Variants in RBFOX1 observed in about 807,000 individuals in gnomAD.
RBFOX1 encodes the protein RNA binding protein fox-1 homolog 1.
In RBFOX1, 8 loss-of-function variants were observed where a neutral mutation model predicts 57.7. That is an observed-to-expected ratio of 0.14 (90% CI 0.08 to 0.25). RBFOX1 has a LOEUF of 0.25. Ranked by LOEUF, RBFOX1 falls within the 10% of genes least tolerant of loss-of-function variation. The probability of loss-of-function intolerance (pLI) is 1.00; values close to 1 mark genes in which losing one functional copy is unlikely to be tolerated. For synonymous variants in RBFOX1, 326 were observed against 222.4 expected, an observed-to-expected ratio of 1.47 and a Z score of -4.15; for missense variants, 611 against 548.5, an observed-to-expected ratio of 1.11 and a Z score of -1.14.
At chr16:7,548,448 G>T (rs183403491) in intron 5 of RBFOX1, among the ~76,000 whole-genome samples, 1 of 152,312 alleles carries the variant, frequency 6.6e-6, no homozygotes, top group East Asian at 1.9e-4. Context: ...GAGCCACTGC[G>T]CCTGGCCTCG....
chr16:6,961,047 G>T (rs1281976854), intron 3 of RBFOX1, among the ~76,000 whole-genome samples: 1 of 151,818 alleles, frequency 6.6e-6, no homozygotes, highest in Middle Eastern at 3.4e-3. Flanking sequence ...GGAGGCTGAG[G>T]CAGGAGAATC....
At chr16:6,514,725 C>T (rs1030735995) in intron 2 of RBFOX1, among the ~76,000 whole-genome samples, 2 of 151,940 alleles carry the variant, frequency 1.3e-5, no homozygotes, top group African/African-American at 4.8e-5. Flanking sequence ...CATGAAGTTT[C>T]TAGTAATAAT....
rs1173807093 is a variant in RBFOX1, at chr16:5,813,005, C to G, written c.319-54298C>G. ...CATAACATAAAGTCTATCCCTTTAA[C>G]CACTTTTTTTTTTTTTTTTTGAGAT... is the stretch of plus-strand genomic sequence containing the variant. On this transcript the variant is annotated intron_variant, in intron 3 of 19. Transcript: ENST00000641259. Among the ~76,000 whole-genome samples the G allele has an allele frequency of 2.0e-5, 3 of 149,106 alleles. No homozygotes were observed. In the East Asian group the frequency reaches 5.9e-4, roughly 29 times the overall value.
At position 6,433,758 on chromosome 16, in the gene RBFOX1, C is replaced by T. The variant is rs546791027; in HGVS notation, c.-64+116701C>T. 2.0e-5 allele frequency among the ~76,000 whole-genome samples: 3 copies of T among 151,900 alleles called. No homozygotes were observed. In the South Asian group the frequency reaches 6.2e-4, roughly 32 times the overall value. ...TGCCACTTTCCTTGGCTCATGGTCCCTTCCTCCACCCTTCAAAGCACATCA... is the reference window on the plus strand; with the variant it reads ...TGCCACTTTCCTTGGCTCATGGTCCTTTCCTCCACCCTTCAAAGCACATCA... On this transcript the variant is annotated intron_variant, in intron 2 of 15. Transcript: ENST00000550418.
chr16:5,719,098 A>G (rs1432379785), intron 3 of RBFOX1, among the ~76,000 whole-genome samples: 3 of 152,208 alleles, frequency 2.0e-5, no homozygotes, highest in Admixed American at 2.0e-4. Flanking sequence ...GATGACCTCA[A>G]GTAATATTTG....
chr16:6,661,690 C>T (rs941886726), intron 3 of RBFOX1, among the ~76,000 whole-genome samples: 6 of 152,182 alleles, frequency 3.9e-5, no homozygotes, highest in African/African-American at 7.2e-5. Flanking sequence ...CACTTTGATT[C>T]GAGCAAGACG....
chr16:7,242,971 G>T (rs771506086), intron 4 of RBFOX1, among the ~76,000 whole-genome samples: 1 of 151,966 alleles, frequency 6.6e-6, no homozygotes, highest in Admixed American at 6.6e-5. Flanking sequence ...TCCTTCATTT[G>T]TTCTCTTCCT....
chr16:5,764,295 C>T (rs1161968080), intron 3 of RBFOX1, among the ~76,000 whole-genome samples: 1 of 152,174 alleles, frequency 6.6e-6, no homozygotes, highest in Non-Finnish European at 1.5e-5. Flanking sequence ...GGCATTCTGC[C>T]TCAATGCTGG....
intron 3 of RBFOX1, among the ~76,000 whole-genome samples, chr16:6,982,820 C>G (rs1043725202): frequency 9.2e-5 from 14 of 151,932 alleles, no homozygotes; most frequent in Admixed American, 2.0e-4. Context: ...TGGCGGAGCC[C>G]TGTCTCTACT....
chr16:5,387,288 G>A (rs1457326962), intron 1 of RBFOX1, among the ~76,000 whole-genome samples: 2 of 152,128 alleles, frequency 1.3e-5, no homozygotes, highest in Admixed American at 6.5e-5. Context: ...TCATTTTGCT[G>A]TAATAGAATT....
At chr16:6,902,838 A>G (rs780733228) in intron 3 of RBFOX1, among the ~76,000 whole-genome samples, 1 of 152,196 alleles carries the variant, frequency 6.6e-6, no homozygotes, top group Admixed American at 6.5e-5. Context: ...ACTGTTTTCC[A>G]TCTGTTCATT....
At chr16:6,398,418 C>G (rs35660976) in intron 2 of RBFOX1, among the ~76,000 whole-genome samples, 39,077 of 151,988 alleles carry the variant, frequency 0.26, 6,053 homozygotes, top group East Asian at 0.35. Flanking sequence ...AGTCAAAAGT[C>G]TCATCTGAGA....
chr16:5,455,502 C>G (rs1307379989), intron 1 of RBFOX1, among the ~76,000 whole-genome samples: 2 of 152,138 alleles, frequency 1.3e-5, no homozygotes. Flanking sequence ...CAAAACCACC[C>G]CAAGGAGGCC....
chr16:7,132,400 A>G (rs939494273), intron 4 of RBFOX1, among the ~76,000 whole-genome samples: 1 of 151,426 alleles, frequency 6.6e-6, no homozygotes, highest in African/African-American at 2.4e-5. Flanking sequence ...AGGTCCATTG[A>G]TGGGTGAAAG....
intron 1 of RBFOX1, among the ~76,000 whole-genome samples, chr16:5,350,055 G>A (rs1035030755): frequency 6.6e-6 from 1 of 152,234 alleles, no homozygotes; most frequent in Non-Finnish European, 1.5e-5. Context: ...TGGCGCTTGC[G>A]TGAGAGGAAA....
chr16:6,757,904 G>A (rs1391454932), intron 3 of RBFOX1, among the ~76,000 whole-genome samples: 1 of 152,140 alleles, frequency 6.6e-6, no homozygotes, highest in Non-Finnish European at 1.5e-5. Context: ...CATGTACCCT[G>A]TAAATATGTA....
chr16:5,698,796 A>G (rs909081399), intron 3 of RBFOX1, among the ~76,000 whole-genome samples: 6 of 152,208 alleles, frequency 3.9e-5, no homozygotes. Flanking sequence ...GAAATAGGCT[A>G]CACCATGAAT....
At chr16:7,177,488 T>TA (rs78279616) in intron 4 of RBFOX1, among the ~76,000 whole-genome samples, 40,393 of 143,286 alleles carry the variant, frequency 0.28, 7,659 homozygotes, top group African/African-American at 0.55. Context: ...TATGTATCAA[T>TA]AAAAAAAAAA....
At chr16:7,688,193 G>C (rs2076481786) in intron 14 of RBFOX1, among the ~76,000 whole-genome samples, 1 of 150,228 alleles carries the variant, frequency 6.7e-6, no homozygotes, top group Admixed American at 6.6e-5. Context: ...TGTAGGGATT[G>C]CCTAGTAGGC....
Sources: gnomAD v4.1 joint callset for allele counts (sites outside exome capture counted in the v4.1 genomes callset) on GRCh38, gnomAD v4.1.1 for gene constraint, MANE v1.5 for transcripts, NCBI Gene and HGNC (gene_info 2026-07-23, HGNC 2026-07-21) for gene names.